EVI5: variants seen among roughly 807,000 people sequenced by gnomAD.
The protein encoded by EVI5 is ecotropic viral integration site 5, also known as ecotropic viral integration site 5 protein homolog.
EVI5 carries 73 observed loss-of-function variants against 112.0 expected under a neutral mutation model. The ratio of observed to expected loss-of-function variants is 0.65; its 90% CI spans 0.54 to 0.79. The LOEUF (loss-of-function observed/expected upper bound fraction) is 0.79, where lower values mean the gene tolerates loss of function less well. EVI5 is among the 30% of genes least tolerant of loss of function. EVI5 has a pLI of 0.00. For synonymous variants in EVI5, 305 were observed against 319.9 expected (o/e 0.95, Z 0.50); for missense variants, 900 against 968.8 (o/e 0.93, Z 0.94).
At chr1:92,770,518 A>T (rs569997834) in intron 1 of EVI5, among the ~76,000 whole-genome samples, 1 of 152,158 alleles carries the variant, frequency 6.6e-6, no homozygotes, top group African/African-American at 2.4e-5. Flanking sequence ...TGGCCAGGCG[A>T]GGTGGCTCAC....
chr1:92,739,972 CT>C lies in EVI5; in HGVS notation c.-81-3346del, dbSNP rs1282016279. Among the ~76,000 whole-genome samples, 7 of 96,334 alleles carry C rather than the reference CT, an allele frequency of 7.3e-5. No homozygotes were observed. In the East Asian group the frequency reaches 4.2e-3, roughly 58 times the overall value. 63.2% of individuals were successfully genotyped at this position (96,334 alleles called of 152,430 possible). The stretch of plus-strand genomic sequence containing the variant: ...CTTTAAATGTCAAAAGTCAAGTTAC[CT>C]TTAAAAAAAAAAAAAAGGGGCAGTG... On this transcript the variant is annotated intron_variant, in intron 1 of 19. Coordinates refer to ENST00000684568, the MANE Select transcript of EVI5 (RefSeq NM_001350197.2).
chr1:92,694,007 A>G (rs761612949), intron 8 of EVI5, 108 bp from the exon 9 acceptor site: 59 of 753,374 alleles, frequency 7.8e-5, no homozygotes, highest in Non-Finnish European at 1.3e-4. Context: ...CATGCTTGTA[A>G]TCTCAGCATT....
chr1:92,683,563 G>A (rs568842351), intron 9 of EVI5, among the ~76,000 whole-genome samples: 3 of 152,162 alleles, frequency 2.0e-5, no homozygotes, highest in African/African-American at 4.8e-5. Context: ...TGAGTTTGAC[G>A]AGTTGACAGA....
chr1:92,620,099 CT>C (rs1415130990), intron 16 of EVI5, among the ~76,000 whole-genome samples: 4 of 152,154 alleles, frequency 2.6e-5, no homozygotes, highest in African/African-American at 9.6e-5. Flanking sequence ...AATCCTAGAA[CT>C]TTGGGAGGCC....
intron 11 of EVI5, among the ~76,000 whole-genome samples, chr1:92,665,072 G>A (rs1245959708): frequency 6.6e-6 from 1 of 152,148 alleles, no homozygotes; most frequent in Non-Finnish European, 1.5e-5. Flanking sequence ...AGGCGTGGTG[G>A]CGCACGCCTA....
rs1669906637 is a variant in EVI5 at position 92,693,976 on chromosome 1, TATG to T, written c.1000-80_1000-78del. The T allele has an allele frequency of 3.2e-6, 3 of 927,986 alleles. No individual in the cohort carries two copies. In the African/African-American group the frequency reaches 5.0e-5, roughly 15 times the overall value. The allele number at this position is 927,986 out of a possible 1,614,324, so 57.5% of individuals were successfully genotyped here. ...TGAAATCCAAAGACATTCAAGAAAT[TATG>T]GGCTGGGCGTGGTGGCTCATGCTTG... On this transcript the variant is annotated intron_variant, in intron 8 of 19. Coordinates refer to ENST00000684568, the MANE Select transcript of EVI5 (RefSeq NM_001350197.2).
At chr1:92,787,568 C>CA (rs5776157), upstream of EVI5, among the ~76,000 whole-genome samples, 3 of 151,204 alleles carry the variant, frequency 2.0e-5, no homozygotes, top group Non-Finnish European at 2.9e-5. Flanking sequence ...CCTATCTTTA[C>CA]AAAAAAAAAA....
intron 10 of EVI5, among the ~76,000 whole-genome samples, chr1:92,666,861 T>C (rs1385124305): frequency 1.3e-5 from 2 of 152,184 alleles, no homozygotes; most frequent in Non-Finnish European, 2.9e-5. Flanking sequence ...TTATGTGTTT[T>C]AACATCCTCA....
intron 19 of EVI5, among the ~76,000 whole-genome samples, chr1:92,531,675 A>T (rs892898594): frequency 2.0e-5 from 3 of 152,234 alleles, no homozygotes; most frequent in Non-Finnish European, 2.9e-5. Flanking sequence ...AGAATTTCAC[A>T]TCCAGACAAA....
At chr1:92,548,835 C>T (rs980557851) in intron 19 of EVI5, among the ~76,000 whole-genome samples, 16 of 151,958 alleles carry the variant, frequency 1.1e-4, no homozygotes, top group East Asian at 7.7e-4. Flanking sequence ...CACTGCTCAA[C>T]GAAATAAAAG....
At chr1:92,774,663 AAAC>A (rs940583819) in intron 1 of EVI5, among the ~76,000 whole-genome samples, 1 of 152,236 alleles carries the variant, frequency 6.6e-6, no homozygotes, top group African/African-American at 2.4e-5. Context: ...TAAATAGCAA[AAAC>A]AACAACAAAA....
At chr1:92,629,553 T>C (rs1051251831) in intron 14 of EVI5, among the ~76,000 whole-genome samples, 1 of 152,230 alleles carries the variant, frequency 6.6e-6, no homozygotes, top group Non-Finnish European at 1.5e-5. Flanking sequence ...GAAAAGAAGT[T>C]AGCTTCTGTA....
intron 18 of EVI5, among the ~76,000 whole-genome samples, chr1:92,600,661 C>T (rs1648962682): frequency 6.6e-6 from 1 of 152,156 alleles, no homozygotes; most frequent in Non-Finnish European, 1.5e-5. Context: ...AGAGTGCAAC[C>T]AACACCCCTG....
intron 10 of EVI5, among the ~76,000 whole-genome samples, chr1:92,673,413 G>C (rs750009456): frequency 6.6e-6 from 1 of 151,998 alleles, no homozygotes; most frequent in African/African-American, 2.4e-5. Flanking sequence ...TTAACTGTTC[G>C]TATGTCTATC....
rs772020018 is a variant in EVI5 at position 92,736,424 on chromosome 1, G to C, written c.123C>G (p.Leu41=). The change falls in exon 2 of 20, where the codon CTC becomes CTG. Residue 41 remains leucine, a synonymous_variant. Coordinates refer to ENST00000684568, the MANE Select transcript of EVI5 (RefSeq NM_001350197.2). ...PSQLSPDDLE[L]LAKLEEQNRL... ...TATTCTGTTCTTCCAGTTTAGCCAG[G>C]AGTTCTAAGTCGTCTGGACTCAACT... The C allele has an allele frequency of 6.2e-7, 1 of 1,612,872 alleles. No individual in the cohort carries two copies. The highest frequency in any genetic ancestry group is 1.1e-5 in the South Asian group (1 of 91,038).
intron 13 of EVI5, among the ~76,000 whole-genome samples, chr1:92,644,667 C>T (rs1319005095): frequency 6.6e-6 from 1 of 152,156 alleles, no homozygotes; most frequent in Admixed American, 6.5e-5. Context: ...GCACTTAATA[C>T]ATTTTCCACT....
chr1:92,724,354 G>T (rs910987638), intron 2 of EVI5, among the ~76,000 whole-genome samples: 6 of 152,020 alleles, frequency 3.9e-5, no homozygotes, highest in African/African-American at 1.4e-4. Flanking sequence ...GAAATACTGG[G>T]GGCTGGTTCC....
At chr1:92,621,687 T>C (rs1037373783) in intron 16 of EVI5, among the ~76,000 whole-genome samples, 1 of 152,218 alleles carries the variant, frequency 6.6e-6, no homozygotes, top group African/African-American at 2.4e-5. Context: ...ATATATTCAG[T>C]GGTTTTTAGC....
At chr1:92,686,315 G>C (rs1008677334) in intron 9 of EVI5, among the ~76,000 whole-genome samples, 2 of 152,194 alleles carry the variant, frequency 1.3e-5, no homozygotes, top group South Asian at 4.1e-4. Flanking sequence ...TATCTCAATA[G>C]ATGCAGAAAA....
Sources: allele counts gnomAD v4.1 joint callset (sites outside exome capture counted in the v4.1 genomes callset), GRCh38; gene constraint gnomAD v4.1.1; transcripts MANE v1.5; gene names NCBI Gene and HGNC (gene_info 2026-07-23, HGNC 2026-07-21).